Variants in CXADR observed in about 807,000 individuals in gnomAD.
CXADR encodes the protein CXADR cell adhesion molecule.
In CXADR, 20 loss-of-function variants were observed where a neutral mutation model predicts 40.3. That is an observed-to-expected ratio of 0.50 (90% CI 0.35 to 0.72). The LOEUF (loss-of-function observed/expected upper bound fraction) is 0.72. Among genes scored for constraint, CXADR ranks in the 30% least tolerant of loss-of-function variants. The pLI, the probability that CXADR is intolerant of heterozygous loss-of-function variation, is 0.01. For missense variants in CXADR, 332 were observed against 449.1 expected, an observed-to-expected ratio of 0.74 and a Z score of 2.36; for synonymous variants, 150 against 161.3, an observed-to-expected ratio of 0.93 and a Z score of 0.53.
intron 1 of CXADR, among the ~76,000 whole-genome samples, chr21:17,533,373 T>G (rs944575613): frequency 1.3e-5 from 2 of 152,142 alleles, no homozygotes; most frequent in Non-Finnish European, 2.9e-5. Context: ...TCTACCATGG[T>G]GATTGGAATA....
In CXADR at chr21:17,560,786, G is replaced by A; in HGVS notation, c.656G>A (p.Gly219Asp). 4 of 1,613,996 alleles carry A rather than the reference G, an allele frequency of 2.5e-6. No homozygotes were observed. The highest frequency in any genetic ancestry group is 3.4e-6 in the Non-Finnish European group (4 of 1,179,936). Residue 219 changes from glycine (G) to aspartate (D), a missense_variant, in exon 5 of 7, where the codon GGC becomes GAC. Around this residue, in one of 3 missense-constraint regions of CXADR, gnomAD observed 150 missense variants for 194.2 expected, o/e 0.77. Coordinates refer to ENST00000284878, the MANE Select transcript of CXADR (RefSeq NM_001338.5). ...TYSCTVRNRV[G>D]SDQCLLRLNV... ...AGCTGTACAGTCAGAAACAGAGTGG[G>A]CTCTGATCAGTGCCTGTTGCGTCTA...
intron 1 of CXADR, among the ~76,000 whole-genome samples, chr21:17,545,482 A>G (rs2060884627): frequency 6.6e-6 from 1 of 152,112 alleles, no homozygotes; most frequent in Admixed American, 6.6e-5. Flanking sequence ...GCTGGAGGGC[A>G]GTGGCACGAT....
At chr21:17,564,418 T>G (rs544952615) in intron 6 of CXADR, among the ~76,000 whole-genome samples, 228 of 152,160 alleles carry the variant, frequency 1.5e-3, no homozygotes, top group African/African-American at 5.2e-3. Context: ...TTATAATACC[T>G]AATATAATGT....
chr21:17,568,350 G>C lies in CXADR; in HGVS notation c.*2658G>C, dbSNP rs943405329. 88 of 867,134 alleles carry C rather than the reference G, an allele frequency of 1.0e-4. 1 individual carries two copies. Among genetic ancestry groups the C allele is most frequent in the Non-Finnish European group, 1.1e-4 (83 of 722,976 alleles). The allele number at this position is 867,134 out of a possible 1,614,324, so 53.7% of individuals were successfully genotyped here. Reference sequence around the variant, plus strand: ...TCACCGTGTTAGCCAGGATGGTCTCGATCTCCTGACCTCGTGATCTGCCTG... The same window carrying C: ...TCACCGTGTTAGCCAGGATGGTCTCCATCTCCTGACCTCGTGATCTGCCTG... On this transcript the variant is annotated 3_prime_UTR_variant, in exon 7 of 7. Coordinates refer to ENST00000284878, the MANE Select transcript of CXADR (RefSeq NM_001338.5).
At chr21:17,551,636 C>T in intron 2 of CXADR, 113 bp from the exon 3 acceptor site, 1 of 834,870 alleles carries the variant, frequency 1.2e-6, no homozygotes, top group Non-Finnish European at 1.9e-6. Context: ...TCTTCTTTTT[C>T]TTTTCTGGGA....
At chr21:17,612,242 C>T in the CXADR span, 1 of 152,266 alleles carries the variant, frequency 6.6e-6, no homozygotes, top group African/African-American at 2.4e-5. Context: ...CCAGGGTGCG[C>T]CTGCCCCGCG....
At chr21:17,579,410 G>A (rs145732391) in intron 7 of CXADR, among the ~76,000 whole-genome samples, 2,395 of 151,872 alleles carry the variant, frequency 0.016, 41 homozygotes, top group East Asian at 0.088. Flanking sequence ...TCAGCCTCCC[G>A]AGTAGCTGGG....
At chr21:17,585,632 C>T (rs551541714) in intron 7 of CXADR, among the ~76,000 whole-genome samples, 1 of 152,290 alleles carries the variant, frequency 6.6e-6, no homozygotes, top group South Asian at 2.1e-4. Context: ...ATTCTCCTGC[C>T]TCAGCCTCCT....
the CXADR span, among the ~76,000 whole-genome samples, chr21:17,629,146 G>A: frequency 6.6e-6 from 1 of 152,036 alleles, no homozygotes; most frequent in Non-Finnish European, 1.5e-5. Flanking sequence ...TTGGGAGGCC[G>A]AGGTGGGCCG....
chr21:17,547,158 A>G lies in CXADR; in HGVS notation c.175A>G (p.Ile59Val). ...DQGPLDIEWLISPADNQKVDQ... is the reference protein window; with the variant it reads ...DQGPLDIEWLVSPADNQKVDQ... ...GGGACCGCTGGACATCGAGTGGCTG[A>G]TATCACCAGCTGATAATCAGAAGGT... Residue 59 changes from isoleucine (I) to valine (V), a missense_variant, in exon 2 of 7, where the codon ATA (isoleucine) becomes GTA (valine). Ile to Val is a conservative substitution (Grantham distance 29). Transcript: ENST00000284878. The G allele has an allele frequency of 6.2e-7, 1 of 1,614,192 alleles. No homozygotes were observed. The highest frequency in any genetic ancestry group is 1.7e-5 in the Admixed American group (1 of 60,026).
the CXADR span, chr21:17,598,860 T>A: frequency 6.4e-7 from 1 of 1,564,180 alleles, no homozygotes; most frequent in Non-Finnish European, 8.7e-7. Context: ...AATCTTGAAG[T>A]CACATCAGCA....
the CXADR span, among the ~76,000 whole-genome samples, chr21:17,620,632 AC>A: frequency 3.9e-5 from 6 of 152,210 alleles, no homozygotes; most frequent in African/African-American, 1.4e-4. Context: ...TTGTAAAAAA[AC>A]ATGCAATATC....
the CXADR span, among the ~76,000 whole-genome samples, chr21:17,628,569 C>T: frequency 4.1e-3 from 626 of 152,008 alleles, no homozygotes; most frequent in Middle Eastern, 0.017. Flanking sequence ...GGCGTGATCT[C>T]GGCTCACTGC....
At chr21:17,610,378 C>T in the CXADR span, among the ~76,000 whole-genome samples, 2 of 152,042 alleles carry the variant, frequency 1.3e-5, no homozygotes, top group Admixed American at 6.5e-5. Context: ...ATTGACTTTC[C>T]GAAAGTACTC....
the CXADR span, among the ~76,000 whole-genome samples, chr21:17,601,025 T>C: frequency 1.1e-4 from 17 of 152,178 alleles, no homozygotes; most frequent in Non-Finnish European, 1.6e-4. Flanking sequence ...TAGCCGGGCA[T>C]GGTGGTGTGC....
At chr21:17,590,224 AGG>A (rs775829821) in intron 7 of CXADR, among the ~76,000 whole-genome samples, 6 of 65,290 alleles carry the variant, frequency 9.2e-5, no homozygotes, top group East Asian at 3.8e-4. Flanking sequence ...TTTTGTAGCT[AGG>A]TATTTTTTTT....
At chr21:17,591,825 C>A (rs2061438237) in intron 7 of CXADR, among the ~76,000 whole-genome samples, 1 of 151,852 alleles carries the variant, frequency 6.6e-6, no homozygotes, top group African/African-American at 2.4e-5. Flanking sequence ...GAGAACAAAG[C>A]ACCTAGAGTC....
intron 1 of CXADR, 54 bp from the exon 2 acceptor site, chr21:17,546,969 CTGTG>C: frequency 6.3e-7 from 1 of 1,589,198 alleles, no homozygotes; most frequent in Admixed American, 1.7e-5. Context: ...CTGCGGGGCA[CTGTG>C]TGGGCTGTCA....
the CXADR span, chr21:17,599,117 ATTGTT>A: frequency 3.5e-6 from 1 of 289,156 alleles, no homozygotes; most frequent in Non-Finnish European, 6.4e-6. Context: ...AAAAAAGTCC[ATTGTT>A]TTGATTACAT....
Sources: gnomAD v4.1 joint callset for allele counts (sites outside exome capture counted in the v4.1 genomes callset) on GRCh38, gnomAD v4.1.1 for gene constraint, gnomAD v4.1.1 regional missense constraint, MANE v1.5 for transcripts, NCBI Gene and HGNC (gene_info 2026-07-23, HGNC 2026-07-21) for gene names.